PHTF2: variants seen among roughly 807,000 people sequenced by gnomAD.
PHTF2 encodes putative homeodomain transcription factor 2, also known as protein PHTF2.
PHTF2 carries 60 observed loss-of-function variants against 101.2 expected under a neutral mutation model. That is an observed-to-expected ratio of 0.59 (90% CI 0.48 to 0.73). The LOEUF (loss-of-function observed/expected upper bound fraction) is 0.73. PHTF2 is among the 30% of genes least tolerant of loss of function. The pLI, the probability that PHTF2 is intolerant of heterozygous loss-of-function variation, is 0.00. For missense variants in PHTF2, 747 were observed against 908.7 expected (o/e 0.82, Z 2.29); for synonymous variants, 311 against 307.3 (o/e 1.01, Z -0.13).
chr7:77,845,760 C>A (rs1199641356), intron 2 of PHTF2, among the ~76,000 whole-genome samples: 1 of 152,198 alleles, frequency 6.6e-6, no homozygotes. Context: ...CAGCTTTCAA[C>A]TCCAAAACCA....
chr7:77,826,974 A>G (rs979213829), intron 1 of PHTF2, among the ~76,000 whole-genome samples: 1 of 152,346 alleles, frequency 6.6e-6, no homozygotes, highest in East Asian at 1.9e-4. Context: ...GGGGGTGATC[A>G]TCAGATCCAT....
chr7:77,849,232 T>C (rs1391844777), intron 2 of PHTF2, among the ~76,000 whole-genome samples: 1 of 152,068 alleles, frequency 6.6e-6, no homozygotes, highest in African/African-American at 2.4e-5. Flanking sequence ...CAAGTGATTC[T>C]CCTGCCTCAG....
Position 77,937,670 on chromosome 7 carries a change from A to G in PHTF2, c.1339-40A>G, listed in dbSNP as rs553537349. On this transcript the variant is annotated intron_variant, in intron 12 of 19. Coordinates refer to ENST00000416283, the Ensembl canonical transcript of PHTF2. ...TATATACACACATTTTATTTATTAA[A>G]TGTGATCTATATATTTACTAATTTT... The G allele has an allele frequency of 8.8e-6, 7 of 792,084 alleles. No individual in the cohort carries two copies. In the East Asian group the frequency reaches 1.9e-4, roughly 22 times the overall value. 49.1% of individuals were successfully genotyped at this position (792,084 alleles called of 1,614,324 possible). A position where few individuals can be genotyped will look rare whatever the true frequency, so the allele number is the denominator to read the frequency against.
At chr7:77,928,830 A>G (rs537887213) in intron 11 of PHTF2, among the ~76,000 whole-genome samples, 1 of 152,328 alleles carries the variant, frequency 6.6e-6, no homozygotes, top group African/African-American at 2.4e-5. Context: ...TGCCTACCTG[A>G]GTTGTGAACT....
At chr7:77,888,008 A>G (rs1282474086) in intron 3 of PHTF2, among the ~76,000 whole-genome samples, 3 of 152,220 alleles carry the variant, frequency 2.0e-5, no homozygotes, top group Non-Finnish European at 4.4e-5. Context: ...CTTATGAAGA[A>G]TATGGTTGGA....
At chr7:77,923,765 G>C in intron 11 of PHTF2, 1 of 984,366 alleles carries the variant, frequency 1.0e-6, no homozygotes, top group Non-Finnish European at 1.2e-6. Flanking sequence ...GGGAGACGGA[G>C]GGCTGTTTGA....
At chr7:77,846,632 C>T (rs1452979833) in intron 2 of PHTF2, among the ~76,000 whole-genome samples, 1 of 138,954 alleles carries the variant, frequency 7.2e-6, no homozygotes, top group Non-Finnish European at 1.6e-5. Flanking sequence ...CCCTCCCCTC[C>T]CCTCCCCTTC....
At chr7:77,865,288 C>T (rs1232252776) in intron 3 of PHTF2, among the ~76,000 whole-genome samples, 4 of 151,912 alleles carry the variant, frequency 2.6e-5, no homozygotes, top group East Asian at 3.9e-4. Flanking sequence ...TGCAGTGGCA[C>T]GATCTCAGCT....
At chr7:77,820,708 T>C (rs1794218490) in intron 1 of PHTF2, among the ~76,000 whole-genome samples, 2 of 152,220 alleles carry the variant, frequency 1.3e-5, no homozygotes, top group South Asian at 4.1e-4. Flanking sequence ...ATTTCTGTGG[T>C]ATCTGTTGAA....
rs757102279 is a variant in PHTF2 at position 77,893,963 on chromosome 7, C to T, written c.205-19C>T. On this transcript the variant is annotated intron_variant, in intron 4 of 19. Transcript: ENST00000416283. The stretch of plus-strand genomic sequence containing the variant: ...AGTTTGCTTTTTCTCCCTTTTGATG[C>T]TGTCATTGCTCTGTACAGTTTATTA... The T allele has an allele frequency of 1.3e-5, 20 of 1,586,420 alleles. No individual in the cohort carries two copies. The highest frequency in any genetic ancestry group is 1.7e-5 in the Admixed American group (1 of 59,844).
chr7:77,901,191 C>T (rs1301172070), intron 6 of PHTF2, among the ~76,000 whole-genome samples: 1 of 152,224 alleles, frequency 6.6e-6, no homozygotes, highest in African/African-American at 2.4e-5. Context: ...GCCCTGCCTC[C>T]AGCATTGGAG....
At chr7:77,825,847 T>C (rs1037291932) in intron 1 of PHTF2, among the ~76,000 whole-genome samples, 9 of 151,964 alleles carry the variant, frequency 5.9e-5, no homozygotes, top group African/African-American at 2.2e-4. Context: ...TCTACAAATA[T>C]AGGAGAAAAA....
chr7:77,935,893 C>T (rs1805083974), intron 12 of PHTF2, among the ~76,000 whole-genome samples: 2 of 152,136 alleles, frequency 1.3e-5, no homozygotes, highest in Non-Finnish European at 2.9e-5. Flanking sequence ...TTACGCTTAA[C>T]AATTGTAAAA....
intron 12 of PHTF2, among the ~76,000 whole-genome samples, chr7:77,937,135 G>T (rs1158996441): frequency 6.6e-6 from 1 of 151,798 alleles, no homozygotes; most frequent in South Asian, 2.1e-4. Flanking sequence ...TAAAATATCA[G>T]AAAAGTAACT....
intron 11 of PHTF2, among the ~76,000 whole-genome samples, chr7:77,928,037 G>A (rs546809145): frequency 1.7e-4 from 26 of 152,216 alleles, no homozygotes; most frequent in Admixed American, 9.8e-4. Context: ...AGAAGAGGAA[G>A]GCCTTTTAGG....
At chr7:77,820,202 A>C (rs1224663508) in intron 1 of PHTF2, among the ~76,000 whole-genome samples, 1 of 151,954 alleles carries the variant, frequency 6.6e-6, no homozygotes, top group Non-Finnish European at 1.5e-5. Flanking sequence ...GAGACATTTT[A>C]TTACTGATTC....
chr7:77,924,486 G>A (rs1269805174), intron 11 of PHTF2, among the ~76,000 whole-genome samples: 1 of 152,186 alleles, frequency 6.6e-6, no homozygotes, highest in Admixed American at 6.5e-5. Context: ...ATATGATAGA[G>A]GGCAAGGAAG....
At chr7:77,899,609 T>C (rs1584642024) in intron 5 of PHTF2, among the ~76,000 whole-genome samples, 1 of 152,214 alleles carries the variant, frequency 6.6e-6, no homozygotes, top group East Asian at 1.9e-4. Context: ...AAAGATTAAT[T>C]GCATATTGGT....
chr7:77,883,846 A>G (rs1308631973), intron 3 of PHTF2, among the ~76,000 whole-genome samples: 1 of 152,218 alleles, frequency 6.6e-6, no homozygotes, highest in Non-Finnish European at 1.5e-5. Flanking sequence ...ATAATTAAAT[A>G]TTGTTCAGCT....
Sources: allele counts gnomAD v4.1 joint callset (sites outside exome capture counted in the v4.1 genomes callset), GRCh38; gene constraint gnomAD v4.1.1; transcripts MANE v1.5; gene names NCBI Gene and HGNC (gene_info 2026-07-23, HGNC 2026-07-21).